Variants in MICAL3 observed in about 807,000 individuals in gnomAD.
MICAL3 encodes the protein [F-actin]-monooxygenase MICAL3.
Under a neutral mutation model 207.4 loss-of-function variants are expected in MICAL3, and 62 were observed. The observed-to-expected ratio is 0.30, with a 90% CI of 0.24 to 0.37. The LOEUF (loss-of-function observed/expected upper bound fraction) is 0.37, where lower values mean the gene tolerates loss of function less well. Among genes scored for constraint, MICAL3 ranks in the 10% least tolerant of loss-of-function variants. MICAL3 has a pLI of 1.00. For missense variants in MICAL3, 2,368 were observed against 2,635.6 expected (o/e 0.90, Z 2.22); for synonymous variants, 1,077 against 1,069.3 (o/e 1.01, Z -0.14).
chr22:17,852,661 G>A (rs933660146), intron 19 of MICAL3, among the ~76,000 whole-genome samples: 9 of 152,218 alleles, frequency 5.9e-5, no homozygotes, highest in Non-Finnish European at 8.8e-5. Flanking sequence ...TGAGGCTCCT[G>A]GGTCTAACCA....
intron 7 of MICAL3, 176 bp downstream of exon 7, chr22:17,899,272 A>G: frequency 1.5e-6 from 1 of 686,238 alleles, no homozygotes; most frequent in Admixed American, 2.0e-5. Context: ...TTACATTTGA[A>G]ATTAGCCATA....
chr22:17,925,611 G>A lies in MICAL3; in HGVS notation c.-74-18725C>T, dbSNP rs141617163. On this transcript the variant is annotated intron_variant, in intron 1 of 31. Coordinates refer to ENST00000441493, the MANE Select transcript of MICAL3 (RefSeq NM_015241.3). ...AGGAGGTCACAGCTATCTTGCCTCT[G>A]CCTGAAAAGCATTCATCTGGGCTTG... Among the ~76,000 whole-genome samples the A allele has an allele frequency of 1.1e-4, 16 of 152,308 alleles. No individual in the cohort carries two copies. The East Asian group carries it at 2.5e-3, about 24-fold the overall frequency.
chr22:18,022,019 G>C (rs1235391811), intron 1 of MICAL3, among the ~76,000 whole-genome samples: 1 of 152,162 alleles, frequency 6.6e-6, no homozygotes, highest in Non-Finnish European at 1.5e-5. Context: ...CAGGTGGGTA[G>C]ATCACATTTT....
At chr22:17,979,738 T>C (rs1159625699) in intron 1 of MICAL3, among the ~76,000 whole-genome samples, 1 of 151,028 alleles carries the variant, frequency 6.6e-6, no homozygotes, top group Non-Finnish European at 1.5e-5. Flanking sequence ...AAGTCTCTTC[T>C]CAACTGGAGT....
At position 17,831,897 on chromosome 22, in the gene MICAL3, CTCCTCT is replaced by C; in HGVS notation, c.3006_3011del (p.Glu1006_Glu1007del). 1 of 1,556,048 alleles carries C rather than the reference CTCCTCT, an allele frequency of 6.4e-7. No individual in the cohort carries two copies. The highest frequency in any genetic ancestry group is 1.4e-5 in the African/African-American group (1 of 73,334). ...CCTCCTCGTCATAGTCCTCCTCCTC[CTCCTCT>C]TCATATTCTTCCTCCTCCTCCTCCT... On this transcript the variant is annotated inframe_deletion, in exon 21 of 32. Coordinates refer to ENST00000441493, the MANE Select transcript of MICAL3 (RefSeq NM_015241.3).
At position 17,821,385 on chromosome 22, in the gene MICAL3, C is replaced by G. The variant is rs774197751; in HGVS notation, c.3531+42G>C. 3 of 1,491,504 alleles carry G rather than the reference C, an allele frequency of 2.0e-6. No individual in the cohort carries two copies. The African/African-American group carries it at 4.3e-5, about 21-fold the overall frequency. 92.4% of individuals were successfully genotyped at this position (1,491,504 alleles called of 1,614,324 possible). A position where few individuals can be genotyped will look rare whatever the true frequency, so the allele number is the denominator to read the frequency against. On this transcript the variant is annotated intron_variant, in intron 25 of 31. Transcript: ENST00000441493. The stretch of plus-strand genomic sequence containing the variant: ...GAAGTTAATATGTGTCCTTGGGGTC[C>G]CATTAGTTCTCTGTACCCCACAGCG...
intron 29 of MICAL3, among the ~76,000 whole-genome samples, chr22:17,797,896 C>T (rs1324000343): frequency 1.3e-5 from 2 of 152,228 alleles, no homozygotes; most frequent in African/African-American, 4.8e-5. Context: ...CAACTGGCCC[C>T]GGGGACCTGC....
chr22:17,875,795 C>T (rs372771903), intron 16 of MICAL3, among the ~76,000 whole-genome samples: 9 of 152,114 alleles, frequency 5.9e-5, no homozygotes, highest in East Asian at 3.9e-4. Context: ...CACCCTGGAA[C>T]GCGGTCCCGC....
intron 29 of MICAL3, among the ~76,000 whole-genome samples, chr22:17,806,452 GAAA>G (rs200221858): frequency 9.3e-6 from 1 of 107,230 alleles, no homozygotes. Flanking sequence ...TCCAACTGTG[GAAA>G]AAAAAAAAAA....
At position 17,871,874 on chromosome 22, in the gene MICAL3, G is replaced by C; in HGVS notation, c.2391C>G (p.Thr797=). ...SCFKCEYCAT[T]LRLSAYAYDI... is the part of the protein sequence containing the mutation. ...CGTAGGCGTAGGCCGAGAGGCGCAG[G>C]GTGGTGGCGCAGTACTCGCACTTGA... Residue 797 remains threonine (T), a synonymous_variant, in exon 17 of 32, where the codon ACC becomes ACG. Transcript: ENST00000441493. The C allele has an allele frequency of 1.2e-6, 2 of 1,611,130 alleles. No individual in the cohort carries two copies. The highest frequency in any genetic ancestry group is 8.5e-7 in the Non-Finnish European group (1 of 1,178,870).
chr22:17,791,227 G>A lies in MICAL3; in HGVS notation c.5725C>T (p.Arg1909Cys), dbSNP rs1373228390. ...KLVQEKNAMV[R>C]YESELMIFAR... ...AAGATCATCAGCTCCGACTCGTAGC[G>A]CACCATGGCGTTCTTCTCCTGCACT... Residue 1909 changes from arginine (R) to cysteine (C), a missense_variant, in exon 30 of 32, where the codon CGC (arginine) becomes TGC (cysteine). By Grantham distance (180) the Arg-to-Cys change is radical. Transcript: ENST00000441493. The A allele has an allele frequency of 5.0e-6, 8 of 1,613,834 alleles. No individual in the cohort carries two copies. The highest frequency in any genetic ancestry group is 2.2e-5 in the East Asian group (1 of 44,874).
chr22:17,818,883 T>C lies in MICAL3; in HGVS notation c.3778A>G (p.Ile1260Val). 3.5e-6 allele frequency: 4 copies of C among 1,148,332 alleles called. No homozygotes were observed. The highest frequency in any genetic ancestry group is 1.5e-5 in the South Asian group (1 of 65,776). 71.1% of individuals were successfully genotyped at this position (1,148,332 alleles called of 1,614,324 possible). Reference protein sequence around the residue: ...ASTPPPSPLPICSQPQPSTEA... With the variant: ...ASTPPPSPLPVCSQPQPSTEA... ...GTGGAAGGCTGGGGCTGGGAGCAGA[T>C]GGGGAGTGGGCTGGGTGGGGGCGTG... The change falls in exon 26 of 32, where the codon ATC becomes GTC. Residue 1260 changes from isoleucine (I) to valine (V), a missense_variant. Ile to Val is a conservative substitution (Grantham distance 29). Coordinates refer to ENST00000441493, the MANE Select transcript of MICAL3 (RefSeq NM_015241.3).
intron 1 of MICAL3, among the ~76,000 whole-genome samples, chr22:17,972,190 G>A (rs1274486321): frequency 6.6e-6 from 1 of 152,054 alleles, no homozygotes; most frequent in Admixed American, 6.5e-5. Flanking sequence ...TTTATAATTT[G>A]GTTTGTAGAA....
intron 1 of MICAL3, among the ~76,000 whole-genome samples, chr22:17,948,616 C>T (rs545155655): frequency 3.9e-4 from 60 of 152,274 alleles, no homozygotes; most frequent in Non-Finnish European, 5.9e-4. Flanking sequence ...TCTATTTTGT[C>T]CCTTTTAAAA....
At chr22:17,933,794 T>C (rs933095108) in intron 1 of MICAL3, among the ~76,000 whole-genome samples, 20 of 151,972 alleles carry the variant, frequency 1.3e-4, no homozygotes, top group Admixed American at 9.8e-4. Context: ...AAAGGGAATA[T>C]CACCACCGAT....
In MICAL3 at chr22:17,962,284, G is replaced by C. The variant is rs545247374; in HGVS notation, c.-74-55398C>G. ...CTCAACTGGGCAGGCAGGCTGTCGG[G>C]GTACAGAGCTGGGATCTGGGAAGGA... is the stretch of plus-strand genomic sequence containing the variant. On this transcript the variant is annotated intron_variant, in intron 1 of 31. Coordinates refer to ENST00000441493, the MANE Select transcript of MICAL3 (RefSeq NM_015241.3). 9.8e-5 allele frequency among the ~76,000 whole-genome samples: 15 copies of C among 152,338 alleles called. No individual in the cohort carries two copies. In the South Asian group the frequency reaches 2.7e-3, roughly 27 times the overall value.
At chr22:17,886,085 G>A (rs1220741906) in intron 15 of MICAL3, 34 bp from the exon 16 acceptor site, 2 of 1,609,236 alleles carry the variant, frequency 1.2e-6, no homozygotes, top group East Asian at 2.2e-5. Flanking sequence ...ACCCGGCGCT[G>A]TGACAGGAGG....
chr22:17,812,247 C>T (rs1294192177), intron 27 of MICAL3, among the ~76,000 whole-genome samples: 2 of 152,252 alleles, frequency 1.3e-5, no homozygotes, highest in Non-Finnish European at 2.9e-5. Context: ...GTGCCCAGCC[C>T]CACAGCGGCA....
chr22:17,961,423 C>A (rs1337424238), intron 1 of MICAL3, among the ~76,000 whole-genome samples: 1 of 152,176 alleles, frequency 6.6e-6, no homozygotes, highest in African/African-American at 2.4e-5. Flanking sequence ...CAACAGACAC[C>A]TAGTGGAGGC....
Sources: allele counts gnomAD v4.1 joint callset (sites outside exome capture counted in the v4.1 genomes callset), GRCh38; gene constraint gnomAD v4.1.1; transcripts MANE v1.5; gene names NCBI Gene and HGNC (gene_info 2026-07-23, HGNC 2026-07-21).